The following GRM1 variants were observed in gnomAD, a reference collection of about 807,000 sequenced individuals.
GRM1 encodes metabotropic glutamate receptor 1.
Under a neutral mutation model 90.9 loss-of-function variants are expected in GRM1, and 33 were observed. The observed-to-expected ratio is 0.36, with a 90% CI of 0.28 to 0.49. GRM1 has a LOEUF of 0.49. Ranked by LOEUF, GRM1 falls within the 20% of genes least tolerant of loss-of-function variation. GRM1 has a pLI of 0.99. For synonymous variants in GRM1, 700 were observed against 613.2 expected, an observed-to-expected ratio of 1.14 and a Z score of -2.09; for missense variants, 1,190 against 1,534.3, an observed-to-expected ratio of 0.78 and a Z score of 3.75.
chr6:146,200,287 C>T (rs939725142), intron 2 of GRM1, among the ~76,000 whole-genome samples: 2 of 152,184 alleles, frequency 1.3e-5, no homozygotes, highest in African/African-American at 4.8e-5. Flanking sequence ...CCCTTGCTCT[C>T]ATCTTTTAGT....
intron 2 of GRM1, among the ~76,000 whole-genome samples, chr6:146,201,424 A>T (rs1779293364): frequency 6.6e-6 from 1 of 152,182 alleles, no homozygotes; most frequent in African/African-American, 2.4e-5. Context: ...CTCACAATGG[A>T]GTCTGAGAAG....
chr6:146,368,301 A>G (rs1264827178), intron 5 of GRM1, among the ~76,000 whole-genome samples: 3 of 145,920 alleles, frequency 2.1e-5, no homozygotes, highest in Middle Eastern at 3.6e-3. Flanking sequence ...TAAATAGATT[A>G]TTATGTCATC....
chr6:146,296,117 T>C (rs974548386), intron 2 of GRM1, among the ~76,000 whole-genome samples: 8 of 152,202 alleles, frequency 5.3e-5, no homozygotes, highest in African/African-American at 1.9e-4. Context: ...TCCAATCTGT[T>C]ATAGATGGGC....
intron 1 of GRM1, among the ~76,000 whole-genome samples, chr6:146,046,011 T>A (rs2128844848): frequency 6.6e-6 from 1 of 152,046 alleles, no homozygotes; most frequent in South Asian, 2.1e-4. Context: ...GGACCTGGAT[T>A]TGATCTCACG....
At chr6:146,035,670 A>T (rs965449450) in intron 1 of GRM1, among the ~76,000 whole-genome samples, 1 of 151,972 alleles carries the variant, frequency 6.6e-6, no homozygotes, top group Admixed American at 6.6e-5. Flanking sequence ...ATAAATTTTT[A>T]CCTTGCGCTG....
At chr6:146,223,486 T>C (rs777990490) in intron 2 of GRM1, among the ~76,000 whole-genome samples, 26 of 152,226 alleles carry the variant, frequency 1.7e-4, no homozygotes, top group Non-Finnish European at 3.4e-4. Flanking sequence ...CTGCAAGCTC[T>C]AACTTGGTTT....
chr6:146,030,270 G>T (rs1790658613), intron 1 of GRM1, 53 bp downstream of exon 1: 3 of 1,171,796 alleles, frequency 2.6e-6, no homozygotes, highest in African/African-American at 3.0e-5. Flanking sequence ...GGCAATGCAT[G>T]ATGTGCTCCT....
intron 5 of GRM1, among the ~76,000 whole-genome samples, chr6:146,377,643 T>A (rs1433069151): frequency 6.6e-6 from 1 of 152,172 alleles, no homozygotes; most frequent in Non-Finnish European, 1.5e-5. Context: ...TCAAGCTGAC[T>A]GCAGAAGTTT....
intron 6 of GRM1, among the ~76,000 whole-genome samples, chr6:146,392,074 C>T (rs1562662283): frequency 6.6e-6 from 1 of 152,146 alleles, no homozygotes; most frequent in African/African-American, 2.4e-5. Context: ...CTATTGTCCT[C>T]ATTAGGGGAA....
chr6:146,123,035 G>T (rs1776055891), intron 1 of GRM1, among the ~76,000 whole-genome samples: 1 of 151,112 alleles, frequency 6.6e-6, no homozygotes, highest in Non-Finnish European at 1.5e-5. Context: ...AGTAGAGATG[G>T]GGTTTCACCA....
intron 2 of GRM1, among the ~76,000 whole-genome samples, chr6:146,270,146 T>A (rs892994039): frequency 2.6e-5 from 4 of 152,092 alleles, no homozygotes; most frequent in African/African-American, 9.7e-5. Context: ...ACTTTTTCCT[T>A]AACAGTGCAT....
chr6:146,082,646 T>C (rs1776402884), intron 1 of GRM1, among the ~76,000 whole-genome samples: 1 of 152,172 alleles, frequency 6.6e-6, no homozygotes. Flanking sequence ...ATTTTCCCTA[T>C]CCTCATCCTC....
intron 3 of GRM1, 52 bp downstream of exon 3, chr6:146,304,898 AT>A: frequency 8.2e-7 from 1 of 1,224,182 alleles, no homozygotes; most frequent in South Asian, 1.2e-5. Context: ...TCTCTTCTAG[AT>A]TTATTGCAAC....
At chr6:146,136,801 G>C (rs543082442) in intron 1 of GRM1, among the ~76,000 whole-genome samples, 1 of 149,846 alleles carries the variant, frequency 6.7e-6, no homozygotes, top group South Asian at 2.1e-4. Context: ...AATCTGTCAT[G>C]TGGGTTGTTT....
intron 3 of GRM1, among the ~76,000 whole-genome samples, chr6:146,342,848 T>C (rs1006832944): frequency 6.6e-6 from 1 of 152,222 alleles, no homozygotes; most frequent in Non-Finnish European, 1.5e-5. Flanking sequence ...AGTTCTTGTA[T>C]ATCCCACATC....
chr6:146,423,822 C>T (rs1243718797), intron 7 of GRM1, among the ~76,000 whole-genome samples: 1 of 152,128 alleles, frequency 6.6e-6, no homozygotes, highest in Non-Finnish European at 1.5e-5. Context: ...TTGCAGGGCC[C>T]AGTGCAAAAT....
chr6:146,375,342 A>C (rs1437989998), intron 5 of GRM1, among the ~76,000 whole-genome samples: 1 of 151,994 alleles, frequency 6.6e-6, no homozygotes, highest in African/African-American at 2.4e-5. Context: ...GGAAGAGAGG[A>C]AGTGCTGAGA....
intron 2 of GRM1, among the ~76,000 whole-genome samples, chr6:146,288,212 G>C (rs1156185): frequency 0.11 from 16,757 of 152,096 alleles, 1,803 homozygotes; most frequent in African/African-American, 0.28. Flanking sequence ...GAGGAGCCTG[G>C]TGGAGAATAC....
intron 2 of GRM1, among the ~76,000 whole-genome samples, chr6:146,209,795 G>C (rs1364052139): frequency 6.6e-6 from 1 of 152,124 alleles, no homozygotes; most frequent in Admixed American, 6.6e-5. Flanking sequence ...TGTTACTGAT[G>C]AGTAGTAGAT....
Sources: allele counts gnomAD v4.1 joint callset (sites outside exome capture counted in the v4.1 genomes callset), GRCh38; gene constraint gnomAD v4.1.1; transcripts MANE v1.5; gene names NCBI Gene and HGNC (gene_info 2026-07-23, HGNC 2026-07-21).